ACYP2: variants seen among roughly 807,000 people sequenced by gnomAD.
ACYP2 encodes acylphosphatase-2.
In ACYP2, 12 loss-of-function variants were observed where a neutral mutation model predicts 11.2. The ratio of observed to expected loss-of-function variants is 1.08; its 90% CI spans 0.69 to 1.74. ACYP2 has a LOEUF of 1.74. Ranked by LOEUF, ACYP2 falls within the 40% of genes most tolerant of loss-of-function variation. The pLI is 0.00. For missense variants in ACYP2, 134 were observed against 101.9 expected, an observed-to-expected ratio of 1.31 and a Z score of -1.35; for synonymous variants, 43 against 32.2, an observed-to-expected ratio of 1.33 and a Z score of -1.13.
intron 6 of ACYP2, among the ~76,000 whole-genome samples, chr2:54,231,685 G>GT (rs1449668896): frequency 3.9e-5 from 6 of 152,188 alleles, no homozygotes; most frequent in African/African-American, 7.2e-5. Context: ...TTCAACAAAA[G>GT]TTAACAGCTA....
rs1209223631 is a variant in ACYP2, at chr2:54,165,527, TCTCTCTCTCA to T, written c.404+26781_404+26790del. ...CTCTCTCTCTTTCACTCTCTCTCTC[TCTCTCTCTCA>T]CACACACACACACACACACACACAC... is the stretch of plus-strand genomic sequence containing the variant. On this transcript the variant is annotated intron_variant, in intron 6 of 6. Transcript: ENST00000607452. Among the ~76,000 whole-genome samples the T allele has an allele frequency of 9.2e-5, 13 of 140,824 alleles. No homozygotes were observed. In the South Asian group the frequency reaches 1.1e-3, roughly 12 times the overall value. 92.4% of individuals were successfully genotyped at this position (140,824 alleles called of 152,430 possible). A position where few individuals can be genotyped will look rare whatever the true frequency, so the allele number is the denominator to read the frequency against.
chr2:54,297,011 A>G (rs750370969), intron 6 of ACYP2, among the ~76,000 whole-genome samples: 6 of 152,178 alleles, frequency 3.9e-5, no homozygotes, highest in Non-Finnish European at 5.9e-5. Flanking sequence ...CCATCCATCC[A>G]TTCAATATTT....
intron 6 of ACYP2, among the ~76,000 whole-genome samples, chr2:54,194,261 A>G (rs1000212762): frequency 6.6e-6 from 1 of 152,074 alleles, no homozygotes; most frequent in East Asian, 1.9e-4. Flanking sequence ...GCTGATCTTG[A>G]ACTCCTGACC....
At chr2:54,129,498 G>A (rs940557024) in intron 4 of ACYP2, among the ~76,000 whole-genome samples, 1 of 151,682 alleles carries the variant, frequency 6.6e-6, no homozygotes, top group African/African-American at 2.4e-5. Context: ...GATTATGATT[G>A]GCACTAATAC....
At chr2:54,153,593 C>CTTTTTTTTTTTTTTTTTTTTTT (rs58880193) in intron 6 of ACYP2, among the ~76,000 whole-genome samples, 1 of 137,702 alleles carries the variant, frequency 7.3e-6, no homozygotes. Flanking sequence ...GTAGTGTGGA[C>CTTTTTTTTTTTTTTTTTTTTTT]TTTTTTTTTT....
chr2:54,170,484 C>T (rs1683176590), intron 6 of ACYP2, among the ~76,000 whole-genome samples: 1 of 152,070 alleles, frequency 6.6e-6, no homozygotes, highest in Non-Finnish European at 1.5e-5. Flanking sequence ...TTTTGTGACA[C>T]TTGGTGATAC....
chr2:54,136,827 T>C (rs1200580495), intron 5 of ACYP2, among the ~76,000 whole-genome samples: 8 of 152,084 alleles, frequency 5.3e-5, no homozygotes, highest in Non-Finnish European at 2.9e-5. Context: ...AATACAAAAA[T>C]TAGCTGGGCA....
chr2:54,298,864 G>A (rs1689618220), intron 6 of ACYP2, among the ~76,000 whole-genome samples: 1 of 152,150 alleles, frequency 6.6e-6, no homozygotes, highest in Non-Finnish European at 1.5e-5. Flanking sequence ...CGATTCTCTT[G>A]CCTCAGCCTC....
intron 6 of ACYP2, among the ~76,000 whole-genome samples, chr2:54,252,903 CAAA>C (rs750791731): frequency 1.5e-5 from 2 of 136,026 alleles, no homozygotes; most frequent in African/African-American, 2.7e-5. Context: ...GACTCCGTCT[CAAA>C]AAAAAAAAAA....
intron 4 of ACYP2, among the ~76,000 whole-genome samples, chr2:54,060,426 A>G (rs1031749345): frequency 6.6e-6 from 1 of 151,990 alleles, no homozygotes. Flanking sequence ...TTTTATGGAT[A>G]TAATGTTTTT....
chr2:54,076,540 A>G (rs1677353441), intron 4 of ACYP2, among the ~76,000 whole-genome samples: 1 of 152,238 alleles, frequency 6.6e-6, no homozygotes, highest in Non-Finnish European at 1.5e-5. Context: ...ACATCAAAAT[A>G]GGCATCACAA....
At chr2:54,085,271 T>A (rs1677889217) in intron 4 of ACYP2, among the ~76,000 whole-genome samples, 1 of 152,080 alleles carries the variant, frequency 6.6e-6, no homozygotes, top group Non-Finnish European at 1.5e-5. Context: ...CGGGTCCACG[T>A]GGTGGCACTG....
intron 6 of ACYP2, among the ~76,000 whole-genome samples, chr2:54,303,976 G>C (rs893868672): frequency 1.3e-5 from 2 of 152,200 alleles, no homozygotes; most frequent in Non-Finnish European, 2.9e-5. Context: ...TCTTGGGTAA[G>C]TGACCTAATG....
intron 6 of ACYP2, among the ~76,000 whole-genome samples, chr2:54,301,228 G>A (rs1400632064): frequency 6.6e-6 from 1 of 152,036 alleles, no homozygotes; most frequent in Non-Finnish European, 1.5e-5. Context: ...CATTTTTCCT[G>A]TGCTTCTTGG....
chr2:53,977,341 G>C (rs1216482705), intron 2 of ACYP2, among the ~76,000 whole-genome samples: 1 of 152,052 alleles, frequency 6.6e-6, no homozygotes, highest in African/African-American at 2.4e-5. Context: ...CGCCGCGCCT[G>C]GCCAGGCCTG....
Position 54,256,141 on chromosome 2 carries a change from G to C in ACYP2, c.405-48547G>C. ...AGTAGCGGGGCTGTGAGGACTCTCC[G>C]GGAGGCTCATGTTGGTAGCGGCCAG... is the stretch of plus-strand genomic sequence containing the variant. On this transcript the variant is annotated intron_variant, in intron 6 of 6. Transcript: ENST00000607452. 2.5e-6 allele frequency: 4 copies of C among 1,611,856 alleles called. No homozygotes were observed. In the South Asian group the frequency reaches 3.3e-5, roughly 13 times the overall value.
At chr2:54,164,903 T>G (rs1472590771) in intron 6 of ACYP2, among the ~76,000 whole-genome samples, 2 of 152,176 alleles carry the variant, frequency 1.3e-5, no homozygotes, top group Non-Finnish European at 2.9e-5. Flanking sequence ...GATGTTCCCC[T>G]CCCTGTGTCA....
At chr2:54,025,216 A>C (rs1674217582) in intron 2 of ACYP2, among the ~76,000 whole-genome samples, 1 of 152,174 alleles carries the variant, frequency 6.6e-6, no homozygotes, top group Non-Finnish European at 1.5e-5. Context: ...TTCTTCACAT[A>C]ACTAGAAAAA....
chr2:54,042,669 G>A (rs1282405721), intron 2 of ACYP2, among the ~76,000 whole-genome samples: 2 of 152,198 alleles, frequency 1.3e-5, no homozygotes, highest in East Asian at 1.9e-4. Flanking sequence ...AATTAGGGGT[G>A]TGTGTCAAGG....
Sources: allele counts gnomAD v4.1 joint callset (sites outside exome capture counted in the v4.1 genomes callset), GRCh38; gene constraint gnomAD v4.1.1; transcripts MANE v1.5; gene names NCBI Gene and HGNC (gene_info 2026-07-23, HGNC 2026-07-21).